COQ8B: variants seen among roughly 807,000 people sequenced by gnomAD.
COQ8B encodes atypical kinase COQ8B, mitochondrial.
COQ8B carries 44 observed loss-of-function variants against 62.0 expected under a neutral mutation model. The observed-to-expected ratio is 0.71, with a 90% CI of 0.56 to 0.91. COQ8B has a LOEUF of 0.91. COQ8B is among the 40% of genes least tolerant of loss of function. COQ8B has a pLI of 0.00. For synonymous variants in COQ8B, 252 were observed against 289.9 expected, an observed-to-expected ratio of 0.87 and a Z score of 1.33; for missense variants, 649 against 731.6, an observed-to-expected ratio of 0.89 and a Z score of 1.30.
intron 13 of COQ8B, among the ~76,000 whole-genome samples, chr19:40,694,078 A>G (rs1170074202): frequency 6.6e-6 from 1 of 152,136 alleles, no homozygotes; most frequent in East Asian, 1.9e-4. Flanking sequence ...GAAGGGTCTC[A>G]GCTTTGTGCC....
At position 40,693,202 on chromosome 19, in the gene COQ8B, C is replaced by T. The variant is rs564570180; in HGVS notation, c.1210-165G>A. 6.5e-4 allele frequency among the ~76,000 whole-genome samples: 99 copies of T among 152,292 alleles called. 3 individuals are homozygous for T. The highest frequency in any genetic ancestry group is 6.8e-3 in the Middle Eastern group (2 of 294). Reference sequence around the variant, plus strand: ...TGCTCCCAACTTTGCCTGTCTGTGACTCCCTTAAAGACTCTTCCAGAGCCT... The same window carrying T: ...TGCTCCCAACTTTGCCTGTCTGTGATTCCCTTAAAGACTCTTCCAGAGCCT... On this transcript the variant is annotated intron_variant, in intron 13 of 14. Transcript: ENST00000324464.
At chr19:40,697,822 T>TTATATATATATATATA (rs66501221) in intron 12 of COQ8B, among the ~76,000 whole-genome samples, 2 of 79,104 alleles carry the variant, frequency 2.5e-5, no homozygotes, top group African/African-American at 1.2e-4. Context: ...ATAAATAAAA[T>TTATATATATATATATA]TATATATATA....
chr19:40,695,793 T>C lies in COQ8B; in HGVS notation c.1209+196A>G, dbSNP rs1041373521. On this transcript the variant is annotated intron_variant, in intron 13 of 14. Coordinates refer to ENST00000324464, the MANE Select transcript of COQ8B (RefSeq NM_024876.4). Reference sequence around the variant, plus strand: ...TCGCATTGTGTTGCTGTGTGGTTTATATCGGTTCCTATACGTAAGCACTAA... The same window carrying C: ...TCGCATTGTGTTGCTGTGTGGTTTACATCGGTTCCTATACGTAAGCACTAA... Among the ~76,000 whole-genome samples the C allele has an allele frequency of 2.6e-5, 4 of 152,216 alleles. No homozygotes were observed. The highest frequency in any genetic ancestry group is 2.4e-5 in the African/African-American group (1 of 41,454).
Position 40,692,332 on chromosome 19 carries a change from C to A in COQ8B, c.1338G>T (p.Gly446=). 6.2e-7 allele frequency: 1 copy of A among 1,613,688 alleles called. No individual in the cohort carries two copies. Among genetic ancestry groups the A allele is most frequent in the Non-Finnish European group, 8.5e-7 (1 of 1,179,852 alleles). ...AAGGGCCCTGGGTGGCGAAAGGCTC[C>A]CCCAGGATCATCACTGCCTCCACGT... is the stretch of plus-strand genomic sequence containing the variant. The part of the protein sequence containing the change: ...DAHVEAVMIL[G]EPFATQGPYD... Residue 446 remains glycine, a synonymous_variant, in exon 15 of 15, where the codon GGG becomes GGT. Coordinates refer to ENST00000324464, the MANE Select transcript of COQ8B (RefSeq NM_024876.4).
chr19:40,698,526 A>T (rs941477026), intron 12 of COQ8B, among the ~76,000 whole-genome samples: 3 of 152,098 alleles, frequency 2.0e-5, no homozygotes, highest in African/African-American at 7.2e-5. Context: ...CAACAAGAGC[A>T]AAACTCTGTC....
At chr19:40,692,592 C>T (rs2081981819) in intron 14 of COQ8B, among the ~76,000 whole-genome samples, 1 of 152,024 alleles carries the variant, frequency 6.6e-6, no homozygotes, top group African/African-American at 2.4e-5. Flanking sequence ...CCCTGCAGAG[C>T]CTCCAACAGA....
At chr19:40,706,191 G>A (rs1421483816) in intron 5 of COQ8B, among the ~76,000 whole-genome samples, 1 of 152,160 alleles carries the variant, frequency 6.6e-6, no homozygotes, top group Non-Finnish European at 1.5e-5. Context: ...GTCACCCTTG[G>A]TGAGGGGAGT....
Position 40,707,570 on chromosome 19 carries a change from C to G in COQ8B, c.368-2123G>C, listed in dbSNP as rs1361592715. Among the ~76,000 whole-genome samples the G allele has an allele frequency of 2.0e-5, 3 of 152,130 alleles. No homozygotes were observed. In the East Asian group the frequency reaches 5.8e-4, roughly 29 times the overall value. ...GGTTCAAGCAATTCTCCTGCCTTAC[C>G]CCCCACCCAAGTAGCTGGGGTTACA... On this transcript the variant is annotated intron_variant, in intron 5 of 14. Transcript: ENST00000324464.
rs1031713200 is a variant in COQ8B at position 40,691,879 on chromosome 19, G to T, written c.*156C>A. The T allele has an allele frequency of 3.1e-6, 2 of 652,984 alleles. No individual in the cohort carries two copies. The highest frequency in any genetic ancestry group is 4.6e-6 in the Non-Finnish European group (2 of 437,486). 40.4% of individuals were successfully genotyped at this position (652,984 alleles called of 1,614,324 possible). A position where few individuals can be genotyped will look rare whatever the true frequency, so the allele number is the denominator to read the frequency against. On this transcript the variant is annotated 3_prime_UTR_variant, in exon 15 of 15. Transcript: ENST00000324464. Reference sequence around the variant, plus strand: ...AGGGCACGAAGTTGGGAGTTCCCCAGCCCCAGGGATCCTGAGCTCCTGGGC... The same window carrying T: ...AGGGCACGAAGTTGGGAGTTCCCCATCCCCAGGGATCCTGAGCTCCTGGGC...
At chr19:40,703,906 G>A in intron 7 of COQ8B, 51 bp from the exon 8 acceptor site, 1 of 1,561,424 alleles carries the variant, frequency 6.4e-7, no homozygotes, top group African/African-American at 1.3e-5. Context: ...TCATTCCCCA[G>A]GCTGAGTGCT....
At chr19:40,697,281 T>C (rs1229167928) in intron 12 of COQ8B, among the ~76,000 whole-genome samples, 1 of 152,048 alleles carries the variant, frequency 6.6e-6, no homozygotes, top group Non-Finnish European at 1.5e-5. Flanking sequence ...CTGGCTAAGT[T>C]TGAAACATTT....
chr19:40,711,415 G>A (rs2082141044), intron 4 of COQ8B, among the ~76,000 whole-genome samples: 1 of 151,950 alleles, frequency 6.6e-6, no homozygotes, highest in African/African-American at 2.4e-5. Context: ...ATTGAGACAG[G>A]GTCTCACTAT....
rs1375599891 is a variant in COQ8B at position 40,704,688 on chromosome 19, G to A, written c.576+408C>T. 3 of 164,160 alleles carry A rather than the reference G, an allele frequency of 1.8e-5. No homozygotes were observed. The East Asian group carries it at 5.3e-4, about 29-fold the overall frequency. The allele number at this position is 164,160 out of a possible 1,614,324, so 10.2% of individuals were successfully genotyped here. On this transcript the variant is annotated intron_variant, in intron 7 of 14. Transcript: ENST00000324464. ...AGTTATTAGAACAGCTCATGTCCTG[G>A]GCACTTACTTGGTGCCAGGCGCCGT...
At chr19:40,707,867 A>G (rs1012353086) in intron 5 of COQ8B, among the ~76,000 whole-genome samples, 7 of 152,294 alleles carry the variant, frequency 4.6e-5, no homozygotes, top group Non-Finnish European at 1.0e-4. Flanking sequence ...TCATCCATTC[A>G]TCAGTTTTAA....
At chr19:40,704,894 A>C in intron 7 of COQ8B, 1 of 546,296 alleles carries the variant, frequency 1.8e-6, no homozygotes, top group African/African-American at 1.9e-5. Context: ...AAGGGAACTG[A>C]AGCACAGAGA....
intron 1 of COQ8B, 154 bp from the exon 2 acceptor site, chr19:40,714,789 G>A: frequency 1.5e-6 from 2 of 1,324,186 alleles, no homozygotes; most frequent in Non-Finnish European, 9.9e-7. Context: ...GTTCTCCCCT[G>A]GTTGCTAGGA....
intron 9 of COQ8B, 117 bp downstream of exon 9, chr19:40,703,424 C>T (rs1317031356): frequency 9.3e-7 from 1 of 1,075,166 alleles, no homozygotes; most frequent in Non-Finnish European, 1.3e-6. Flanking sequence ...CTCTGACACT[C>T]CCGCTCACAA....
At position 40,714,393 on chromosome 19, in the gene COQ8B, G is replaced by A; in HGVS notation, c.107C>T (p.Pro36Leu). Residue 36 changes from proline to leucine, a missense_variant, in exon 3 of 15, where the codon CCA (proline) becomes CTA (leucine). By Grantham distance (98) the Pro-to-Leu change is moderately conservative. Transcript: ENST00000324464. ...CTTTTGGGCCCAAGAACCTCCACAT[G>A]GTCCCTGCAAGAGATATACTTTGAT... The part of the protein sequence containing the change: ...ALGPGPHRWG[P>L]CGGSWAQKFY... 6.2e-7 allele frequency: 1 copy of A among 1,613,830 alleles called. No individual in the cohort carries two copies. Among genetic ancestry groups the A allele is most frequent in the Non-Finnish European group, 8.5e-7 (1 of 1,179,936 alleles).
chr19:40,706,844 A>T (rs2082104474), intron 5 of COQ8B, among the ~76,000 whole-genome samples: 1 of 152,238 alleles, frequency 6.6e-6, no homozygotes, highest in African/African-American at 2.4e-5. Flanking sequence ...GGCTCATTCT[A>T]ACAGTTTTAT....
Sources: gnomAD v4.1 joint callset for allele counts (sites outside exome capture counted in the v4.1 genomes callset) on GRCh38, gnomAD v4.1.1 for gene constraint, MANE v1.5 for transcripts, NCBI Gene and HGNC (gene_info 2026-07-23, HGNC 2026-07-21) for gene names.